Variants in DNAH9 observed in about 807,000 individuals in gnomAD.
DNAH9 encodes the protein dynein axonemal heavy chain 9, also known as DNAH9 variant protein.
In DNAH9, 345 loss-of-function variants were observed where a neutral mutation model predicts 471.6. The ratio of observed to expected loss-of-function variants is 0.73; its 90% confidence interval spans 0.67 to 0.80. The LOEUF is 0.80. DNAH9 is among the 30% of genes least tolerant of loss of function. DNAH9 has a pLI of 0.00. For missense variants in DNAH9, 5,407 were observed against 5,609.2 expected (o/e 0.96, Z 1.15); for synonymous variants, 2,093 against 2,123.6 (o/e 0.99, Z 0.40).
chr17:11,635,510 A>C (rs2073146093), intron 8 of DNAH9, among the ~76,000 whole-genome samples: 1 of 151,896 alleles, frequency 6.6e-6, no homozygotes, highest in African/African-American at 2.4e-5. Flanking sequence ...TTCTCTTTTG[A>C]AATGCAAAAA....
At chr17:11,704,986 C>T (rs200635286) in intron 25 of DNAH9, 39 bp from the exon 26 acceptor site, 309 of 1,589,068 alleles carry the variant, frequency 1.9e-4, no homozygotes, top group Non-Finnish European at 2.5e-4. Context: ...CTACCTGCTG[C>T]CTATGATTCA....
At chr17:11,951,867 G>A (rs754246659) in intron 67 of DNAH9, among the ~76,000 whole-genome samples, 3 of 148,458 alleles carry the variant, frequency 2.0e-5, no homozygotes, top group Middle Eastern at 3.5e-3. Flanking sequence ...AGGTTGCAGT[G>A]AGCTGAGATC....
intron 43 of DNAH9, among the ~76,000 whole-genome samples, chr17:11,800,193 A>G (rs1969401825): frequency 6.6e-6 from 1 of 152,068 alleles, no homozygotes; most frequent in Non-Finnish European, 1.5e-5. Context: ...TCCCGTCATC[A>G]AATCTAACAG....
intron 22 of DNAH9, among the ~76,000 whole-genome samples, chr17:11,694,749 T>C (rs200165064): frequency 0.012 from 45 of 3,654 alleles, 18 homozygotes; most frequent in East Asian, 0.04. Flanking sequence ...TCTTTCTTTC[T>C]TTCCTTCCTT....
chr17:11,938,580 A>G (rs1454445485), intron 66 of DNAH9, among the ~76,000 whole-genome samples: 1 of 151,802 alleles, frequency 6.6e-6, no homozygotes, highest in Non-Finnish European at 1.5e-5. Context: ...ACCCCATGGT[A>G]CTGCCTGGAT....
chr17:11,757,462 A>G (rs1456098069), intron 34 of DNAH9, 83 bp from the exon 35 acceptor site: 33 of 1,295,296 alleles, frequency 2.5e-5, no homozygotes, highest in Non-Finnish European at 3.6e-5. Flanking sequence ...TACATTTTCC[A>G]AACAGAGAAA....
intron 50 of DNAH9, among the ~76,000 whole-genome samples, chr17:11,862,519 A>G (rs1971896212): frequency 6.9e-6 from 1 of 144,474 alleles, no homozygotes; most frequent in Non-Finnish European, 1.5e-5. Context: ...TTTTGGTTCC[A>G]TATGAACTTT....
chr17:11,891,947 G>A lies in DNAH9; in HGVS notation c.11283G>A (p.Gln3761=). 6.2e-7 allele frequency: 1 copy of A among 1,612,268 alleles called. No homozygotes were observed. Among genetic ancestry groups the A allele is most frequent in the Non-Finnish European group, 8.5e-7 (1 of 1,178,942 alleles). Residue 3761 remains glutamine, a splice_region_variant and synonymous_variant, in exon 58 of 69, where the codon CAG becomes CAA. Coordinates refer to ENST00000262442, the MANE Select transcript of DNAH9 (RefSeq NM_001372.4). The part of the protein sequence containing the change: ...KLTYLAQLTF[Q]ILLMNREVNA... ...CCTACCTTGCCCAGCTCACCTTTCA[G>A]GTAAAAGTGGATTGAAGAAGTTTCC...
rs1005607453 is a variant in DNAH9 at position 11,940,591 on chromosome 17, T to C, written c.12661-1712T>C. 3.3e-5 allele frequency among the ~76,000 whole-genome samples: 5 copies of C among 152,284 alleles called. 1 individual carries two copies. Among genetic ancestry groups the C allele is most frequent in the Middle Eastern group, 3.4e-3 (1 of 294 alleles). ...GACCCATTCGTGACAGAGTGATTGG[T>C]TTTTACTTTCTTTTTTCTAACATCA... is the stretch of plus-strand genomic sequence containing the variant. On this transcript the variant is annotated intron_variant, in intron 66 of 68. Transcript: ENST00000262442.
chr17:11,674,536 CT>C (rs887277194), intron 17 of DNAH9, among the ~76,000 whole-genome samples: 34 of 151,900 alleles, frequency 2.2e-4, no homozygotes, highest in African/African-American at 2.4e-5. Flanking sequence ...TTCTACTGGA[CT>C]TTTTTTTCCT....
intron 32 of DNAH9, among the ~76,000 whole-genome samples, chr17:11,751,954 CA>C (rs1967171314): frequency 6.6e-6 from 1 of 152,002 alleles, no homozygotes; most frequent in Non-Finnish European, 1.5e-5. Flanking sequence ...TGGCAAGAGT[CA>C]ATTAAAAATA....
At chr17:11,903,373 A>T (rs1231549710) in intron 60 of DNAH9, among the ~76,000 whole-genome samples, 1 of 152,136 alleles carries the variant, frequency 6.6e-6, no homozygotes, top group Non-Finnish European at 1.5e-5. Context: ...AAAGGAAATT[A>T]AATAGCCATA....
chr17:11,773,549 T>A (rs1968302937), intron 38 of DNAH9, among the ~76,000 whole-genome samples: 1 of 151,912 alleles, frequency 6.6e-6, no homozygotes, highest in Admixed American at 6.6e-5. Flanking sequence ...TTTTTTAAAA[T>A]ATATATAATA....
At chr17:11,707,994 CACACACACACACACACACACAGAGAG>C (rs1231916676) in intron 26 of DNAH9, among the ~76,000 whole-genome samples, 20 of 56,706 alleles carry the variant, frequency 3.5e-4, no homozygotes, top group East Asian at 2.7e-3. Flanking sequence ...CACACACACA[CACACACACACACACACACACAGAGAG>C]AGAGAGAGAG....
intron 61 of DNAH9, among the ~76,000 whole-genome samples, chr17:11,923,025 A>C (rs1037073189): frequency 6.6e-6 from 1 of 151,436 alleles, no homozygotes; most frequent in African/African-American, 2.4e-5. Context: ...GGAAGAGTGA[A>C]GTGATTTTGG....
chr17:11,888,834 C>T (rs1972962865), intron 57 of DNAH9, among the ~76,000 whole-genome samples: 1 of 152,128 alleles, frequency 6.6e-6, no homozygotes, highest in Non-Finnish European at 1.5e-5. Context: ...TAACAGTTCC[C>T]CATCCTGGCA....
chr17:11,764,092 G>A (rs1205776445), intron 36 of DNAH9, among the ~76,000 whole-genome samples: 1 of 152,144 alleles, frequency 6.6e-6, no homozygotes, highest in Non-Finnish European at 1.5e-5. Context: ...ACTCAAAGCT[G>A]TCCAGAGAAG....
At chr17:11,918,566 G>C (rs1285913549) in intron 61 of DNAH9, among the ~76,000 whole-genome samples, 1 of 152,030 alleles carries the variant, frequency 6.6e-6, no homozygotes, top group Non-Finnish European at 1.5e-5. Context: ...AGATAGATAA[G>C]CTGAGGCAAG....
Position 11,701,255 on chromosome 17 carries a change from C to T in DNAH9, c.5151+8C>T. ...TTTGACCACCCAGCTCAGGTATTCT[C>T]CTAATGGGATCCCCATCCTCCATGG... is the stretch of plus-strand genomic sequence containing the variant. On this transcript the variant is annotated splice_region_variant and intron_variant, in intron 24 of 68. Coordinates refer to ENST00000262442, the MANE Select transcript of DNAH9 (RefSeq NM_001372.4). 1 of 1,612,708 alleles carries T rather than the reference C, an allele frequency of 6.2e-7. No individual in the cohort carries two copies. Among genetic ancestry groups the T allele is most frequent in the East Asian group, 2.2e-5 (1 of 44,864 alleles).
Sources: gnomAD v4.1 joint callset for allele counts (sites outside exome capture counted in the v4.1 genomes callset) on GRCh38, gnomAD v4.1.1 for gene constraint, MANE v1.5 for transcripts, NCBI Gene and HGNC (gene_info 2026-07-23, HGNC 2026-07-21) for gene names.